The following PBX1 variants were observed in gnomAD, a reference collection of about 807,000 sequenced individuals.
PBX1 encodes the protein pre-B-cell leukemia transcription factor 1.
Under a neutral mutation model 53.4 loss-of-function variants are expected in PBX1, and 6 were observed. The ratio of observed to expected loss-of-function variants is 0.11; its 90% CI spans 0.06 to 0.22. The LOEUF is 0.22. Ranked by LOEUF, PBX1 falls within the 10% of genes least tolerant of loss-of-function variation. The pLI is 1.00. For missense variants in PBX1, 251 were observed against 551.4 expected (o/e 0.46, Z 5.46); for synonymous variants, 204 against 212.3 (o/e 0.96, Z 0.34).
intron 2 of PBX1, among the ~76,000 whole-genome samples, chr1:164,571,640 A>T (rs1177513676): frequency 6.8e-6 from 1 of 148,096 alleles, no homozygotes; most frequent in African/African-American, 2.5e-5. Flanking sequence ...CACTTAGGTT[A>T]TTTCCATTTT....
chr1:164,662,669 C>A (rs1378084259), intron 2 of PBX1, among the ~76,000 whole-genome samples: 1 of 152,126 alleles, frequency 6.6e-6, no homozygotes, highest in Admixed American at 6.6e-5. Context: ...AGGCCTCTTG[C>A]ACAGCCTGGT....
At chr1:164,776,386 T>C (rs1415990795) in intron 2 of PBX1, among the ~76,000 whole-genome samples, 1 of 152,138 alleles carries the variant, frequency 6.6e-6, no homozygotes, top group Non-Finnish European at 1.5e-5. Flanking sequence ...CTGTGGCATG[T>C]GATTTAGAAG....
intron 2 of PBX1, among the ~76,000 whole-genome samples, chr1:164,630,658 T>C (rs1658352149): frequency 6.6e-6 from 1 of 152,144 alleles, no homozygotes; most frequent in Non-Finnish European, 1.5e-5. Flanking sequence ...ATGTGGAAAA[T>C]GAGCCCTAGA....
intron 2 of PBX1, chr1:164,590,212 G>GAA (rs35639960): frequency 0.058 from 19,851 of 341,004 alleles, 408 homozygotes; most frequent in African/African-American, 0.13. Context: ...ACCCTGTGTT[G>GAA]AAAAAAAAAA....
intron 2 of PBX1, among the ~76,000 whole-genome samples, chr1:164,740,800 A>T (rs1571319249): frequency 6.6e-6 from 1 of 152,208 alleles, no homozygotes; most frequent in East Asian, 1.9e-4. Context: ...CTTAATAAGA[A>T]GTACTTTATA....
At position 164,850,340 on chromosome 1, in the gene PBX1, TA is replaced by T. The variant is rs748191385; in HGVS notation, c.*3681del. 13,546 of 124,708 alleles carry T rather than the reference TA, an allele frequency of 0.11. 43 individuals are homozygous for T. The highest frequency in any genetic ancestry group is 0.21 in the East Asian group (1,922 of 9,222). 7.7% of individuals were successfully genotyped at this position (124,708 alleles called of 1,614,324 possible). On this transcript the variant is annotated 3_prime_UTR_variant, in exon 9 of 9. Transcript: ENST00000420696. ...AGTGACAGTAATTCATTTTGTAAAC[TA>T]AAAAAAAAAAAAAAAAGGTTGGAAT...
intron 2 of PBX1, among the ~76,000 whole-genome samples, chr1:164,862,542 T>C (rs2102444009): frequency 6.6e-6 from 1 of 152,318 alleles, no homozygotes; most frequent in African/African-American, 2.4e-5. Flanking sequence ...CCATCTCATA[T>C]AGGAGAAGAC....
intron 2 of PBX1, among the ~76,000 whole-genome samples, chr1:164,627,484 G>C (rs1658122216): frequency 6.6e-6 from 1 of 152,146 alleles, no homozygotes; most frequent in Admixed American, 6.5e-5. Flanking sequence ...AGCTCACTTT[G>C]GCATGGTAGA....
At chr1:164,697,071 A>T (rs1482128955) in intron 2 of PBX1, among the ~76,000 whole-genome samples, 1 of 152,206 alleles carries the variant, frequency 6.6e-6, no homozygotes, top group Non-Finnish European at 1.5e-5. Context: ...GGTTTGGTGA[A>T]AGATTAAAAT....
At position 164,868,941 on chromosome 1, in the gene PBX1, C is replaced by G. The variant is rs554902874; in HGVS notation, n.258-30247C>G. ...TTTCCTCATCAGAGTCAGTGGTTCT[C>G]CAAGCAGGTTCAGGGCCCATTGCTG... On this transcript the variant is annotated intron_variant and non_coding_transcript_variant, in intron 2 of 2. Coordinates refer to the PBX1 transcript ENST00000558796. 3.9e-5 allele frequency among the ~76,000 whole-genome samples: 6 copies of G among 152,346 alleles called. No homozygotes were observed. The South Asian group carries it at 1.2e-3, about 32-fold the overall frequency.
Position 164,849,512 on chromosome 1 carries a change from C to T in PBX1, c.*2836C>T, listed in dbSNP as rs948014112. ...CCTGGGAATTCACATGAGGCCAGTCCTACAGAGAGCAAGATGCACCCCAGG... is the reference window on the plus strand; with the variant it reads ...CCTGGGAATTCACATGAGGCCAGTCTTACAGAGAGCAAGATGCACCCCAGG... On this transcript the variant is annotated 3_prime_UTR_variant, in exon 9 of 9. Transcript: ENST00000420696. 6.8e-7 allele frequency: 1 copy of T among 1,460,546 alleles called. No homozygotes were observed. Among genetic ancestry groups the T allele is most frequent in the African/African-American group, 1.4e-5 (1 of 71,472 alleles). 90.5% of individuals were successfully genotyped at this position (1,460,546 alleles called of 1,614,324 possible).
chr1:164,773,241 G>GCACACACACACA (rs746140319), intron 2 of PBX1, among the ~76,000 whole-genome samples: 15,341 of 135,028 alleles, frequency 0.11, 1,025 homozygotes, highest in African/African-American at 0.16. Context: ...TAGGTAACAC[G>GCACACACACACA]CGCACACACA....
chr1:164,768,351 T>C (rs7521528), intron 2 of PBX1, among the ~76,000 whole-genome samples: 71,642 of 152,052 alleles, frequency 0.47, 19,432 homozygotes, highest in Non-Finnish European at 0.62. Context: ...CTGTTCTGAA[T>C]TCCAACACAA....
intron 2 of PBX1, chr1:164,642,631 G>A (rs1453332030): frequency 1.3e-5 from 2 of 152,124 alleles, no homozygotes; most frequent in African/African-American, 4.8e-5. Context: ...TTTTTATCAT[G>A]GTGAATACAG....
chr1:164,772,560 A>G (rs1304185363), intron 2 of PBX1, among the ~76,000 whole-genome samples: 5 of 152,260 alleles, frequency 3.3e-5, no homozygotes, highest in African/African-American at 7.2e-5. Flanking sequence ...TCACATATCA[A>G]TTTGGAAAAT....
chr1:164,733,135 G>T (rs1245136712), intron 2 of PBX1, among the ~76,000 whole-genome samples: 1 of 152,084 alleles, frequency 6.6e-6, no homozygotes, highest in Non-Finnish European at 1.5e-5. Context: ...TTCTCACCAG[G>T]TTCTGAGATA....
intron 2 of PBX1, among the ~76,000 whole-genome samples, chr1:164,598,521 A>G (rs1655926452): frequency 6.6e-6 from 1 of 152,152 alleles, no homozygotes; most frequent in Non-Finnish European, 1.5e-5. Flanking sequence ...ACATCAGTTG[A>G]GCTGAACTAG....
chr1:164,649,896 TG>T (rs1371320488), intron 2 of PBX1, among the ~76,000 whole-genome samples: 2 of 152,094 alleles, frequency 1.3e-5, no homozygotes, highest in African/African-American at 4.8e-5. Flanking sequence ...TTGCCAGCTT[TG>T]GGGGTTCTTT....
chr1:164,844,468 T>A lies in PBX1; in HGVS notation c.1201-2116T>A, dbSNP rs1004781248. On this transcript the variant is annotated intron_variant, in intron 8 of 8. Transcript: ENST00000420696. ...TATCTATCTGGTAAACATTCACATA[T>A]AAAAATGAGTAGGAGAAACAGATAC... is the stretch of plus-strand genomic sequence containing the variant. 3.3e-5 allele frequency among the ~76,000 whole-genome samples: 5 copies of A among 152,150 alleles called. 1 individual carries two copies. Among genetic ancestry groups the A allele is most frequent in the Admixed American group, 6.5e-5 (1 of 15,274 alleles).
Sources: allele counts gnomAD v4.1 joint callset (sites outside exome capture counted in the v4.1 genomes callset), GRCh38; gene constraint gnomAD v4.1.1; transcripts MANE v1.5; gene names NCBI Gene and HGNC (gene_info 2026-07-23, HGNC 2026-07-21).